FSTL5: variants seen among roughly 807,000 people sequenced by gnomAD.
FSTL5 encodes follistatin-related protein 5.
FSTL5 carries 62 observed loss-of-function variants against 89.1 expected under a neutral mutation model. The ratio of observed to expected loss-of-function variants is 0.70; its 90% CI spans 0.57 to 0.86. FSTL5 has a LOEUF of 0.86. Ranked by LOEUF, FSTL5 falls within the 40% of genes least tolerant of loss-of-function variation. The pLI is 0.00. For synonymous variants in FSTL5, 383 were observed against 346.2 expected (o/e 1.11, Z -1.18); for missense variants, 1,057 against 1,001.6 (o/e 1.06, Z -0.75).
chr4:161,741,193 G>A (rs1374653488), intron 6 of FSTL5, among the ~76,000 whole-genome samples: 1 of 152,088 alleles, frequency 6.6e-6, no homozygotes, highest in Non-Finnish European at 1.5e-5. Context: ...CTTTGTAAAC[G>A]GCAGTTACAG....
chr4:161,424,454 T>G (rs1732102923), intron 15 of FSTL5, among the ~76,000 whole-genome samples: 1 of 151,904 alleles, frequency 6.6e-6, no homozygotes, highest in Non-Finnish European at 1.5e-5. Context: ...GAAAAGAATT[T>G]CTTAAATGTT....
intron 15 of FSTL5, among the ~76,000 whole-genome samples, chr4:161,401,535 T>C (rs1731178999): frequency 6.6e-6 from 1 of 152,154 alleles, no homozygotes; most frequent in Non-Finnish European, 1.5e-5. Flanking sequence ...ATTATTGATT[T>C]ATTTATTTGA....
At chr4:161,829,006 A>T (rs1237720530) in intron 4 of FSTL5, among the ~76,000 whole-genome samples, 1 of 151,796 alleles carries the variant, frequency 6.6e-6, no homozygotes, top group Admixed American at 6.6e-5. Flanking sequence ...GTTAAGAATT[A>T]AGTTATTCAA....
intron 15 of FSTL5, among the ~76,000 whole-genome samples, chr4:161,447,053 T>G (rs545850990): frequency 6.6e-6 from 1 of 152,210 alleles, no homozygotes; most frequent in Non-Finnish European, 1.5e-5. Flanking sequence ...AATCCTGTTT[T>G]ACTGAACACT....
At position 161,481,154 on chromosome 4, in the gene FSTL5, TG is replaced by T. The variant is rs751000924; in HGVS notation, c.1473del (p.Ala493LeufsTer46). Reference sequence around the variant, plus strand: ...CTCTGAACTTCATCTCCCTCAGCTTTGGGACAGACTTCATCCTGTAATTTAG... The same window carrying T: ...CTCTGAACTTCATCTCCCTCAGCTTTGGACAGACTTCATCCTGTAATTTAG... ...KLLGFQDEVC[P>X]KAEGDEVQRC... On this transcript the variant is annotated frameshift_variant, in exon 13 of 16. Coordinates refer to ENST00000306100, the MANE Select transcript of FSTL5 (RefSeq NM_020116.5). LOFTEE classifies it high-confidence loss of function. 1 of 1,608,022 alleles carries T rather than the reference TG, an allele frequency of 6.2e-7. No homozygotes were observed. Among genetic ancestry groups the T allele is most frequent in the Non-Finnish European group, 8.5e-7 (1 of 1,176,932 alleles).
chr4:161,840,370 T>C (rs1051270060), intron 4 of FSTL5, among the ~76,000 whole-genome samples: 22 of 152,160 alleles, frequency 1.4e-4, no homozygotes, highest in African/African-American at 5.1e-4. Flanking sequence ...TTAGAAGAAA[T>C]TGGATTCAAT....
At chr4:161,706,183 C>T (rs1412756627) in intron 6 of FSTL5, among the ~76,000 whole-genome samples, 1 of 150,858 alleles carries the variant, frequency 6.6e-6, no homozygotes, top group Non-Finnish European at 1.5e-5. Flanking sequence ...GACTTAACTG[C>T]ATTATCTATC....
chr4:161,721,698 T>C (rs947697976), intron 6 of FSTL5, among the ~76,000 whole-genome samples: 1 of 152,144 alleles, frequency 6.6e-6, no homozygotes, highest in African/African-American at 2.4e-5. Flanking sequence ...CTTGACCTCA[T>C]GGGCTAGGAT....
At chr4:162,011,077 A>G (rs1429096023) in intron 3 of FSTL5, among the ~76,000 whole-genome samples, 1 of 152,214 alleles carries the variant, frequency 6.6e-6, no homozygotes, top group Non-Finnish European at 1.5e-5. Flanking sequence ...CCACGAAGGC[A>G]GAACACATCT....
intron 7 of FSTL5, among the ~76,000 whole-genome samples, chr4:161,595,047 G>C (rs958675868): frequency 2.0e-5 from 3 of 151,874 alleles, no homozygotes; most frequent in African/African-American, 7.2e-5. Flanking sequence ...GAATTTAGCT[G>C]TTCTTGTTTA....
rs11311543 is a variant in FSTL5 at position 161,791,206 on chromosome 4, G to GA, written c.410-15133dup. Among the ~76,000 whole-genome samples the GA allele has an allele frequency of 1.3e-3, 193 of 148,678 alleles. 1 individual carries two copies. Among genetic ancestry groups the GA allele is most frequent in the African/African-American group, 4.2e-3 (168 of 39,962 alleles). ...GAGACAGGAAAATTGCACCATAGAA[G>GA]AAAAAAAAAAATGGGAAGTGAAAAA... On this transcript the variant is annotated intron_variant, in intron 4 of 15. Coordinates refer to ENST00000306100, the MANE Select transcript of FSTL5 (RefSeq NM_020116.5).
chr4:162,112,016 T>G (rs1731463185), intron 1 of FSTL5, among the ~76,000 whole-genome samples: 1 of 152,218 alleles, frequency 6.6e-6, no homozygotes, highest in African/African-American at 2.4e-5. Context: ...ACTAAAAGTT[T>G]TATGTCTACT....
chr4:161,804,797 T>C (rs1729907545), intron 4 of FSTL5, among the ~76,000 whole-genome samples: 1 of 151,984 alleles, frequency 6.6e-6, no homozygotes, highest in African/African-American at 2.4e-5. Context: ...CTTTAAAATA[T>C]TTTGAACATT....
chr4:162,016,089 C>T (rs535248702), intron 3 of FSTL5, among the ~76,000 whole-genome samples: 1 of 152,194 alleles, frequency 6.6e-6, no homozygotes, highest in African/African-American at 2.4e-5. Flanking sequence ...GATTGACTTA[C>T]TCTCAAAGCT....
chr4:162,024,776 T>C (rs1273383790), intron 3 of FSTL5, among the ~76,000 whole-genome samples: 1 of 151,964 alleles, frequency 6.6e-6, no homozygotes, highest in Non-Finnish European at 1.5e-5. Flanking sequence ...CCTCAGCCTC[T>C]AGAGGGACTA....
Position 162,050,245 on chromosome 4 carries a change from T to G in FSTL5, c.127-16587A>C, listed in dbSNP as rs182888308. 1.5e-3 allele frequency among the ~76,000 whole-genome samples: 231 copies of G among 151,582 alleles called. 1 individual carries two copies. Among genetic ancestry groups the G allele is most frequent in the African/African-American group, 5.1e-3 (213 of 41,540 alleles). On this transcript the variant is annotated intron_variant, in intron 2 of 15. Coordinates refer to ENST00000306100, the MANE Select transcript of FSTL5 (RefSeq NM_020116.5). ...ACAAATACTTGCATAGAACAAAATT[T>G]AAAGAGACTAATTACAAATATATTC...
In FSTL5 at chr4:161,846,094, T is replaced by C. The variant is rs556973060; in HGVS notation, c.410-70020A>G. Among the ~76,000 whole-genome samples, 100 of 152,148 alleles carry C rather than the reference T, an allele frequency of 6.6e-4. 1 individual carries two copies. Among genetic ancestry groups the C allele is most frequent in the African/African-American group, 2.2e-3 (91 of 41,528 alleles). On this transcript the variant is annotated intron_variant, in intron 4 of 15. Transcript: ENST00000306100. ...AATTGTGTGTGTATTTGTGTGTGTG[T>C]TTGTGTGTGTGTGTGCACGCACAAG...
intron 6 of FSTL5, among the ~76,000 whole-genome samples, chr4:161,664,139 C>T (rs1197845997): frequency 6.6e-6 from 1 of 152,224 alleles, no homozygotes; most frequent in Admixed American, 6.5e-5. Context: ...CGGTGAAGGT[C>T]TCTGACACGG....
intron 2 of FSTL5, among the ~76,000 whole-genome samples, chr4:162,048,490 T>C (rs1254123990): frequency 1.3e-5 from 2 of 152,140 alleles, no homozygotes; most frequent in Non-Finnish European, 2.9e-5. Context: ...GATATAATTA[T>C]GGTGGTAAAT....
Sources: allele counts gnomAD v4.1 joint callset (sites outside exome capture counted in the v4.1 genomes callset), GRCh38; gene constraint gnomAD v4.1.1; transcripts MANE v1.5; gene names NCBI Gene and HGNC (gene_info 2026-07-23, HGNC 2026-07-21).